PIP4K2A: variants seen among roughly 807,000 people sequenced by gnomAD.
The protein encoded by PIP4K2A is phosphatidylinositol-5-phosphate 4-kinase type 2 alpha.
Under a neutral mutation model 42.9 loss-of-function variants are expected in PIP4K2A, and 14 were observed. That is an observed-to-expected ratio of 0.33 (90% CI 0.22 to 0.51). The LOEUF (loss-of-function observed/expected upper bound fraction) is 0.51. Among genes scored for constraint, PIP4K2A ranks in the 20% least tolerant of loss-of-function variants. PIP4K2A has a pLI of 0.97. For synonymous variants in PIP4K2A, 192 were observed against 192.2 expected, an observed-to-expected ratio of 1.00 and a Z score of 0.01; for missense variants, 434 against 519.8, an observed-to-expected ratio of 0.83 and a Z score of 1.61.
At chr10:22,709,503 T>C (rs1056844056) in intron 1 of PIP4K2A, among the ~76,000 whole-genome samples, 4 of 152,220 alleles carry the variant, frequency 2.6e-5, no homozygotes, top group African/African-American at 9.7e-5. Flanking sequence ...CAGAATTAAT[T>C]ACTCTGGTTG....
rs1359111787 is a variant in PIP4K2A, at chr10:22,542,033, C to T, written c.807G>A (p.Leu269=). 7 of 1,608,442 alleles carry T rather than the reference C, an allele frequency of 4.4e-6. No homozygotes were observed. The highest frequency in any genetic ancestry group is 1.7e-5 in the Admixed American group (1 of 59,248). Residue 269 remains leucine, a synonymous_variant, in exon 8 of 10, where the codon CTG becomes CTA. Coordinates refer to ENST00000376573, the MANE Select transcript of PIP4K2A (RefSeq NM_005028.5). ...LKKDVEFLAQ[L]KLMDYSLLVG... is the part of the protein sequence containing the mutation. ...CCAGCAGACTGTAGTCCATGAGCTT[C>T]AGCTGGGCCAGAAACTGGGGACAGA...
intron 1 of PIP4K2A, among the ~76,000 whole-genome samples, chr10:22,670,550 C>T (rs140308827): frequency 2.6e-5 from 4 of 152,254 alleles, no homozygotes; most frequent in South Asian, 2.1e-4. Flanking sequence ...GCATCAAAAT[C>T]GATTCCAGGG....
intron 1 of PIP4K2A, among the ~76,000 whole-genome samples, chr10:22,686,229 T>C (rs1334133894): frequency 1.3e-5 from 2 of 152,182 alleles, no homozygotes; most frequent in Admixed American, 1.3e-4. Flanking sequence ...CTTGGACAAC[T>C]TGAACTCCTA....
rs1491006528 is a variant in PIP4K2A, at chr10:22,536,983, CAT to C, written c.*216_*217del. 2 of 415,260 alleles carry C rather than the reference CAT, an allele frequency of 4.8e-6. No individual in the cohort carries two copies. The highest frequency in any genetic ancestry group is 8.7e-6 in the Non-Finnish European group (2 of 229,574). The allele number at this position is 415,260 out of a possible 1,614,324, so 25.7% of individuals were successfully genotyped here. A position where few individuals can be genotyped will look rare whatever the true frequency, so the allele number is the denominator to read the frequency against. On this transcript the variant is annotated 3_prime_UTR_variant, in exon 10 of 10. Coordinates refer to ENST00000376573, the MANE Select transcript of PIP4K2A (RefSeq NM_005028.5). Reference sequence around the variant, plus strand: ...CCCCCCCCCAACACACACACACACACATATACACAAAGTCAGAAATAGCTAGA... The same window carrying C: ...CCCCCCCCCAACACACACACACACACATACACAAAGTCAGAAATAGCTAGA...
At chr10:22,606,127 T>C (rs1393122035) in intron 3 of PIP4K2A, among the ~76,000 whole-genome samples, 1 of 123,986 alleles carries the variant, frequency 8.1e-6, no homozygotes, top group East Asian at 2.4e-4. Context: ...GGTAACATAG[T>C]GAGACCCCAA....
intron 9 of PIP4K2A, among the ~76,000 whole-genome samples, chr10:22,538,508 G>A (rs1835998138): frequency 6.6e-6 from 1 of 152,182 alleles, no homozygotes; most frequent in African/African-American, 2.4e-5. Context: ...TTCTGTATGA[G>A]GTGAAAAAAC....
At position 22,537,020 on chromosome 10, in the gene PIP4K2A, GGAAAATCAGGTAGCT is replaced by G; in HGVS notation, c.*166_*180del. Reference sequence around the variant, plus strand: ...GTCAGAAATAGCTAGAACGATGCTGGGAAAATCAGGTAGCTGTAAAGCGAGTAGCCCCCAAATCAG... The same window carrying G: ...GTCAGAAATAGCTAGAACGATGCTGGGTAAAGCGAGTAGCCCCCAAATCAG... On this transcript the variant is annotated 3_prime_UTR_variant, in exon 10 of 10. Coordinates refer to ENST00000376573, the MANE Select transcript of PIP4K2A (RefSeq NM_005028.5). 1.7e-6 allele frequency: 1 copy of G among 587,454 alleles called. No homozygotes were observed. The highest frequency in any genetic ancestry group is 3.0e-6 in the Non-Finnish European group (1 of 328,430). 36.4% of individuals were successfully genotyped at this position (587,454 alleles called of 1,614,324 possible).
intron 1 of PIP4K2A, among the ~76,000 whole-genome samples, chr10:22,673,651 T>A (rs935196391): frequency 6.6e-6 from 1 of 151,416 alleles, no homozygotes; most frequent in Non-Finnish European, 1.5e-5. Context: ...AAATAAAAAA[T>A]AAAAAAAATA....
chr10:22,581,100 T>A (rs1837266962), intron 4 of PIP4K2A, among the ~76,000 whole-genome samples: 1 of 152,214 alleles, frequency 6.6e-6, no homozygotes, highest in Non-Finnish European at 1.5e-5. Context: ...ACAGGCAGCA[T>A]GAACACAATA....
chr10:22,654,637 C>T (rs1839061035), intron 1 of PIP4K2A, among the ~76,000 whole-genome samples: 1 of 152,044 alleles, frequency 6.6e-6, no homozygotes, highest in African/African-American at 2.4e-5. Flanking sequence ...GTCAAGTGTG[C>T]ATTCCCAAGA....
chr10:22,575,280 A>G (rs11013053), intron 4 of PIP4K2A, among the ~76,000 whole-genome samples: 55,878 of 152,004 alleles, frequency 0.37, 11,263 homozygotes, highest in African/African-American at 0.52. Flanking sequence ...ACATGTACTG[A>G]GTGGGGTCTG....
intron 1 of PIP4K2A, among the ~76,000 whole-genome samples, chr10:22,660,134 C>G (rs915475504): frequency 1.3e-5 from 2 of 152,168 alleles, no homozygotes; most frequent in Admixed American, 6.5e-5. Flanking sequence ...ATCCCCAGCA[C>G]CCACTCCTTG....
chr10:22,698,127 G>A (rs1008610442), intron 1 of PIP4K2A, among the ~76,000 whole-genome samples: 6 of 152,102 alleles, frequency 3.9e-5, no homozygotes, highest in Non-Finnish European at 8.8e-5. Context: ...GGGCAGACTC[G>A]GGCCAGGCAG....
rs964466299 is a variant in PIP4K2A at position 22,537,180 on chromosome 10, T to C, written c.*21A>G. ...CCTCTGTCCATCCAATGTTCATGTC[T>C]GTCCGAGGCTGCGCAGGAGGTTACG... On this transcript the variant is annotated 3_prime_UTR_variant, in exon 10 of 10. Coordinates refer to ENST00000376573, the MANE Select transcript of PIP4K2A (RefSeq NM_005028.5). 1.9e-6 allele frequency: 3 copies of C among 1,579,128 alleles called. No individual in the cohort carries two copies. The highest frequency in any genetic ancestry group is 1.4e-5 in the African/African-American group (1 of 73,968).
At chr10:22,708,076 TG>T (rs1833852865) in intron 1 of PIP4K2A, among the ~76,000 whole-genome samples, 1 of 152,050 alleles carries the variant, frequency 6.6e-6, no homozygotes, top group Non-Finnish European at 1.5e-5. Flanking sequence ...GTGACAGAAG[TG>T]AGAATGGAAA....
At chr10:22,572,472 G>C (rs1283590722) in intron 5 of PIP4K2A, among the ~76,000 whole-genome samples, 1 of 152,144 alleles carries the variant, frequency 6.6e-6, no homozygotes, top group Non-Finnish European at 1.5e-5. Context: ...CAAAAAATTA[G>C]CTGAGCATGG....
At chr10:22,537,699 AC>A (rs776131309) in intron 9 of PIP4K2A, among the ~76,000 whole-genome samples, 3 of 152,188 alleles carry the variant, frequency 2.0e-5, no homozygotes, top group Non-Finnish European at 4.4e-5. Context: ...CGAAAGGGAA[AC>A]CTTAATGACG....
chr10:22,587,961 G>A (rs1029758066), intron 4 of PIP4K2A, among the ~76,000 whole-genome samples: 3 of 152,168 alleles, frequency 2.0e-5, no homozygotes, highest in Non-Finnish European at 4.4e-5. Context: ...GGGTCACCCC[G>A]AATAGATCAG....
At chr10:22,605,609 G>A (rs1837889358) in intron 3 of PIP4K2A, among the ~76,000 whole-genome samples, 1 of 152,116 alleles carries the variant, frequency 6.6e-6, no homozygotes, top group African/African-American at 2.4e-5. Flanking sequence ...ATTATGACAA[G>A]AAATAGAAAG....
Sources: allele counts gnomAD v4.1 joint callset (sites outside exome capture counted in the v4.1 genomes callset), GRCh38; gene constraint gnomAD v4.1.1; transcripts MANE v1.5; gene names NCBI Gene and HGNC (gene_info 2026-07-23, HGNC 2026-07-21).